The following RXRA variants were observed in gnomAD, a reference collection of about 807,000 sequenced individuals.
RXRA encodes retinoid X receptor alpha.
RXRA carries 5 observed loss-of-function variants against 44.5 expected under a neutral mutation model. The observed-to-expected ratio is 0.11, with a 90% confidence interval of 0.06 to 0.24. The LOEUF is 0.24. Among genes scored for constraint, RXRA ranks in the 10% least tolerant of loss-of-function variants. The probability of loss-of-function intolerance (pLI) is 1.00; values close to 1 mark genes in which losing one functional copy is unlikely to be tolerated. For missense variants in RXRA, 412 were observed against 646.5 expected, an observed-to-expected ratio of 0.64 and a Z score of 3.93; for synonymous variants, 291 against 271.4, an observed-to-expected ratio of 1.07 and a Z score of -0.71.
intron 1 of RXRA, among the ~76,000 whole-genome samples, chr9:134,361,191 T>A (rs1467989127): frequency 6.6e-6 from 1 of 152,254 alleles, no homozygotes; most frequent in Non-Finnish European, 1.5e-5. Flanking sequence ...TAACTGATTC[T>A]GGAACCTTTT....
In RXRA at chr9:134,429,104, C is replaced by T; in HGVS notation, c.911-4C>T. On this transcript the variant is annotated splice_region_variant and splice_polypyrimidine_tract_variant and intron_variant, in intron 6 of 9. Transcript: ENST00000481739. ...AGCTGAGTGACTGTGTGCCTCCTCCCCAGGCTGGAATGAGCTGCTCATCGC... is the reference window on the plus strand; with the variant it reads ...AGCTGAGTGACTGTGTGCCTCCTCCTCAGGCTGGAATGAGCTGCTCATCGC... The T allele has an allele frequency of 6.2e-7, 1 of 1,612,948 alleles. No individual in the cohort carries two copies. Among genetic ancestry groups the T allele is most frequent in the East Asian group, 2.2e-5 (1 of 44,862 alleles).
At chr9:134,337,300 C>T (rs1326822169) in intron 1 of RXRA, among the ~76,000 whole-genome samples, 2 of 152,202 alleles carry the variant, frequency 1.3e-5, no homozygotes, top group Non-Finnish European at 2.9e-5. Context: ...TGCCTGCTGT[C>T]TGTCCGTCCG....
chr9:134,390,174 G>T lies in RXRA; in HGVS notation c.29-11458G>T, dbSNP rs1029544442. 3.9e-5 allele frequency among the ~76,000 whole-genome samples: 6 copies of T among 152,140 alleles called. No homozygotes were observed. In the South Asian group the frequency reaches 6.2e-4, roughly 16 times the overall value. On this transcript the variant is annotated intron_variant, in intron 1 of 9. Transcript: ENST00000481739. ...ATCTCCTTGGTGCAGGGTGGAGTCC[G>T]CTCCCCAATCCCTGGGCTTAAGGGA...
chr9:134,380,004 C>G, intron 1 of RXRA: 1 of 985,378 alleles, frequency 1.0e-6, no homozygotes, highest in Non-Finnish European at 1.2e-6. Flanking sequence ...GGATTAGGGA[C>G]TGAAGCCCAG....
In RXRA at chr9:134,365,400, G is replaced by C. The variant is rs1830401782; in HGVS notation, c.29-36232G>C. 1.3e-5 allele frequency among the ~76,000 whole-genome samples: 2 copies of C among 152,216 alleles called. No homozygotes were observed. The highest frequency in any genetic ancestry group is 6.5e-5 in the Admixed American group (1 of 15,290). On this transcript the variant is annotated intron_variant, in intron 1 of 9. Transcript: ENST00000481739. This position sits in a 1 kb window ranked among gnomAD's most constrained non-coding sequence, Gnocchi z 4.0. The stretch of plus-strand genomic sequence containing the variant: ...GGGTCCACGTTGCCTGGCCCAGGTG[G>C]GATTTGGCGGGTAACGCTCGTGGTG...
At chr9:134,377,324 C>T (rs371420764) in intron 1 of RXRA, among the ~76,000 whole-genome samples, 10 of 152,338 alleles carry the variant, frequency 6.6e-5, no homozygotes, top group African/African-American at 1.4e-4. Flanking sequence ...AAGGCGATGG[C>T]GTTGTCCCCA....
intron 1 of RXRA, among the ~76,000 whole-genome samples, chr9:134,376,594 T>TCG (rs1554752121): frequency 6.6e-6 from 1 of 152,152 alleles, no homozygotes; most frequent in African/African-American, 2.4e-5. Context: ...CCTTGCCGCG[T>TCG]TCTCTGTCTA....
At chr9:134,405,841 G>C (rs921721000) in intron 2 of RXRA, 1 of 152,674 alleles carries the variant, frequency 6.5e-6, no homozygotes, top group Non-Finnish European at 1.5e-5. Context: ...TGCTGCCCCT[G>C]CTCTGACCTG....
intron 1 of RXRA, among the ~76,000 whole-genome samples, chr9:134,328,706 G>A (rs1313096926): frequency 6.6e-6 from 1 of 152,252 alleles, no homozygotes; most frequent in African/African-American, 2.4e-5. Flanking sequence ...CGGGGTGAGT[G>A]GTGGTGGAGG....
intron 1 of RXRA, among the ~76,000 whole-genome samples, chr9:134,351,312 G>T (rs1451119651): frequency 6.6e-6 from 1 of 152,224 alleles, no homozygotes; most frequent in East Asian, 1.9e-4. Context: ...GCAGTCGGGA[G>T]GTCACTCGAA....
At chr9:134,384,497 AG>A (rs1199196166) in intron 1 of RXRA, among the ~76,000 whole-genome samples, 1 of 152,154 alleles carries the variant, frequency 6.6e-6, no homozygotes, top group Non-Finnish European at 1.5e-5. Context: ...TTGGGAATTT[AG>A]TGGGTTCTGC....
chr9:134,408,894 C>A, intron 3 of RXRA, 46 bp from the exon 4 acceptor site: 1 of 1,435,624 alleles, frequency 7.0e-7, no homozygotes, highest in Non-Finnish European at 9.2e-7. Context: ...GGGCTCCCTG[C>A]CGGGGCGGTG....
chr9:134,418,099 C>T (rs987922557), intron 5 of RXRA, among the ~76,000 whole-genome samples: 7 of 152,140 alleles, frequency 4.6e-5, no homozygotes, highest in East Asian at 1.9e-4. Context: ...AGCACAGGGG[C>T]GTTCTGAGCC....
At chr9:134,434,264 C>G (rs1213860010) in intron 9 of RXRA, 57 bp downstream of exon 9, 1 of 1,316,706 alleles carries the variant, frequency 7.6e-7, no homozygotes, top group Admixed American at 1.8e-5. Context: ...CTCCAGAGCC[C>G]CCACCCCCTG....
intron 4 of RXRA, among the ~76,000 whole-genome samples, chr9:134,415,439 C>T (rs897938831): frequency 4.1e-5 from 5 of 120,802 alleles, no homozygotes; most frequent in African/African-American, 1.4e-4. Flanking sequence ...GTTCTCCCAC[C>T]GTTTGCCAAA....
intron 1 of RXRA, among the ~76,000 whole-genome samples, chr9:134,328,147 C>G (rs1030385635): frequency 2.6e-5 from 4 of 152,142 alleles, no homozygotes; most frequent in African/African-American, 7.2e-5. Flanking sequence ...AAGCTTTGCA[C>G]TCACACATGT....
rs560217077 is a variant in RXRA at position 134,413,437 on chromosome 9, A to C, written c.611-3721A>C. Among the ~76,000 whole-genome samples, 65 of 152,180 alleles carry C rather than the reference A, an allele frequency of 4.3e-4. 1 individual carries two copies. The highest frequency in any genetic ancestry group is 3.3e-4 in the Admixed American group (5 of 15,294). The stretch of plus-strand genomic sequence containing the variant: ...TGTTCTGATGCCTTGCTCTAGGTTG[A>C]AGCCCTGGAGGGAAGGTAAGTCACT... On this transcript the variant is annotated intron_variant, in intron 4 of 9. Transcript: ENST00000481739.
chr9:134,396,784 G>A (rs1187864076), intron 1 of RXRA, among the ~76,000 whole-genome samples: 1 of 152,214 alleles, frequency 6.6e-6, no homozygotes, highest in Non-Finnish European at 1.5e-5. Flanking sequence ...CAGATTGGAT[G>A]GTCCGGGTGT....
intron 1 of RXRA, among the ~76,000 whole-genome samples, chr9:134,391,004 G>T (rs1830791211): frequency 6.6e-6 from 1 of 152,132 alleles, no homozygotes. Flanking sequence ...TCCTTCAGGG[G>T]TTCCCTGCCT....
Sources: gnomAD v4.1 joint callset for allele counts (sites outside exome capture counted in the v4.1 genomes callset) on GRCh38, gnomAD v4.1.1 for gene constraint, Gnocchi (gnomAD v3.1) non-coding constraint, MANE v1.5 for transcripts, NCBI Gene and HGNC (gene_info 2026-07-23, HGNC 2026-07-21) for gene names.